The following ANO3 variants were observed in gnomAD, a reference collection of about 807,000 sequenced individuals.
ANO3 encodes anoctamin 3.
Under a neutral mutation model 144.8 loss-of-function variants are expected in ANO3, and 99 were observed. That is an observed-to-expected ratio of 0.68 (90% CI 0.58 to 0.81). The LOEUF (loss-of-function observed/expected upper bound fraction) is 0.81, where lower values mean the gene tolerates loss of function less well. Among genes scored for constraint, ANO3 ranks in the 30% least tolerant of loss-of-function variants. The probability of loss-of-function intolerance (pLI) is 0.00; values close to 1 mark genes in which losing one functional copy is unlikely to be tolerated. For synonymous variants in ANO3, 414 were observed against 392.6 expected, an observed-to-expected ratio of 1.05 and a Z score of -0.64; for missense variants, 905 against 1,202.2, an observed-to-expected ratio of 0.75 and a Z score of 3.66.
At chr11:26,324,223 T>G (rs923542378) in intron 1 of ANO3, among the ~76,000 whole-genome samples, 1 of 152,150 alleles carries the variant, frequency 6.6e-6, no homozygotes. Flanking sequence ...ATAGGTAACT[T>G]TGAAAAGTTT....
chr11:26,248,825 G>A (rs562679468), intron 1 of ANO3, among the ~76,000 whole-genome samples: 55 of 152,190 alleles, frequency 3.6e-4, no homozygotes, highest in Non-Finnish European at 3.1e-4. Context: ...CACACAGCAG[G>A]AGGTGAGCGG....
chr11:26,313,227 T>C (rs192937419), intron 1 of ANO3, among the ~76,000 whole-genome samples: 49 of 152,340 alleles, frequency 3.2e-4, no homozygotes, highest in Middle Eastern at 3.4e-3. Flanking sequence ...CATTTATTCA[T>C]TTATTGCACC....
chr11:26,385,908 T>TATAC (rs1310559300), intron 1 of ANO3, among the ~76,000 whole-genome samples: 3 of 149,372 alleles, frequency 2.0e-5, no homozygotes, highest in African/African-American at 5.0e-5. Context: ...TATATTTATA[T>TATAC]ACATATTTAC....
intron 4 of ANO3, among the ~76,000 whole-genome samples, chr11:26,466,172 C>T (rs1590385243): frequency 6.6e-6 from 1 of 151,890 alleles, no homozygotes; most frequent in East Asian, 1.9e-4. Context: ...TATCCAAGTA[C>T]TAACTGGGAT....
chr11:26,577,499 G>T (rs1010258942), intron 14 of ANO3, among the ~76,000 whole-genome samples: 1 of 150,850 alleles, frequency 6.6e-6, no homozygotes, highest in Non-Finnish European at 1.5e-5. Flanking sequence ...GGAGGCAGAG[G>T]TTGCAGTGAA....
At chr11:26,350,223 C>A (rs544733425) in intron 1 of ANO3, among the ~76,000 whole-genome samples, 1 of 152,208 alleles carries the variant, frequency 6.6e-6, no homozygotes, top group East Asian at 1.9e-4. Context: ...GTCCATTCTC[C>A]TTTGGGAGGC....
chr11:26,497,226 G>A (rs1236034222), intron 4 of ANO3, among the ~76,000 whole-genome samples: 2 of 151,644 alleles, frequency 1.3e-5, no homozygotes, highest in Non-Finnish European at 2.9e-5. Context: ...ACTCACAGAA[G>A]TATGTATATA....
chr11:26,621,315 A>C (rs1310048798), intron 17 of ANO3, among the ~76,000 whole-genome samples: 1 of 152,058 alleles, frequency 6.6e-6, no homozygotes, highest in East Asian at 1.9e-4. Context: ...CTCATCTCTT[A>C]CTACTTCACT....
chr11:26,554,076 C>T (rs1210979384), intron 13 of ANO3, among the ~76,000 whole-genome samples: 1 of 152,074 alleles, frequency 6.6e-6, no homozygotes, highest in Non-Finnish European at 1.5e-5. Context: ...TTCCTCACGC[C>T]CTTTCAATCC....
intron 1 of ANO3, among the ~76,000 whole-genome samples, chr11:26,333,104 T>C (rs1454173606): frequency 6.6e-6 from 1 of 152,180 alleles, no homozygotes; most frequent in Non-Finnish European, 1.5e-5. Context: ...CAATTGCCAC[T>C]TTGCTGAATT....
intron 1 of ANO3, among the ~76,000 whole-genome samples, chr11:26,255,365 G>T (rs567508733): frequency 2.0e-5 from 3 of 152,054 alleles, no homozygotes; most frequent in African/African-American, 7.2e-5. Context: ...ACTGTTATTC[G>T]GTAGACTACT....
chr11:26,396,475 C>A (rs1181887050), intron 1 of ANO3, among the ~76,000 whole-genome samples: 1 of 152,136 alleles, frequency 6.6e-6, no homozygotes, highest in Non-Finnish European at 1.5e-5. Context: ...AATCATTTTA[C>A]TATAAAGACA....
chr11:26,221,307 G>T (rs548412940), intron 1 of ANO3, among the ~76,000 whole-genome samples: 1 of 152,292 alleles, frequency 6.6e-6, no homozygotes, highest in East Asian at 1.9e-4. Context: ...CAGGGCTTGG[G>T]TTCCACTTGT....
chr11:26,496,771 C>A (rs1019226065), intron 4 of ANO3, among the ~76,000 whole-genome samples: 1 of 151,880 alleles, frequency 6.6e-6, no homozygotes, highest in Non-Finnish European at 1.5e-5. Flanking sequence ...TGAGAACATG[C>A]AGTATTTGAC....
At chr11:26,465,319 G>GATAA (rs35019425) in intron 4 of ANO3, among the ~76,000 whole-genome samples, 5 of 151,404 alleles carry the variant, frequency 3.3e-5, no homozygotes, top group Non-Finnish European at 5.9e-5. Flanking sequence ...TAGATAGATA[G>GATAA]TTAAATTATA....
chr11:26,342,421 T>C (rs1855387939), intron 1 of ANO3, among the ~76,000 whole-genome samples: 1 of 152,192 alleles, frequency 6.6e-6, no homozygotes, highest in Non-Finnish European at 1.5e-5. Context: ...AGAACTAGTT[T>C]GACCGCTTTT....
At chr11:26,383,961 G>C (rs1440158066) in intron 1 of ANO3, among the ~76,000 whole-genome samples, 4 of 133,866 alleles carry the variant, frequency 3.0e-5, no homozygotes, top group Admixed American at 2.5e-4. Context: ...GCAGTGGTGC[G>C]ATCTTGGCTC....
intron 1 of ANO3, among the ~76,000 whole-genome samples, chr11:26,436,325 G>A (rs1425640873): frequency 6.6e-6 from 1 of 152,148 alleles, no homozygotes; most frequent in African/African-American, 2.4e-5. Context: ...GCTGCTACTG[G>A]CTCAAAAGTC....
At chr11:26,416,762 T>C (rs1213366541) in intron 1 of ANO3, among the ~76,000 whole-genome samples, 2 of 152,024 alleles carry the variant, frequency 1.3e-5, no homozygotes, top group African/African-American at 4.8e-5. Context: ...GAAACTGAAC[T>C]CTACTTAAGA....
Sources: allele counts gnomAD v4.1 joint callset (sites outside exome capture counted in the v4.1 genomes callset), GRCh38; gene constraint gnomAD v4.1.1; transcripts MANE v1.5; gene names NCBI Gene and HGNC (gene_info 2026-07-23, HGNC 2026-07-21).